The following DLGAP1 variants were observed in gnomAD, a reference collection of about 807,000 sequenced individuals.
The protein encoded by DLGAP1 is DLG associated protein 1, also known as disks large-associated protein 1.
Under a neutral mutation model 90.8 loss-of-function variants are expected in DLGAP1, and 11 were observed. The ratio of observed to expected loss-of-function variants is 0.12; its 90% CI spans 0.08 to 0.20. The LOEUF (loss-of-function observed/expected upper bound fraction) is 0.20, where lower values mean the gene tolerates loss of function less well. Ranked by LOEUF, DLGAP1 falls within the 10% of genes least tolerant of loss-of-function variation. The pLI is 1.00. For synonymous variants in DLGAP1, 558 were observed against 540.7 expected (o/e 1.03, Z -0.44); for missense variants, 1,050 against 1,333.8 (o/e 0.79, Z 3.31).
At chr18:4,100,732 A>G (rs1486084979) in intron 2 of DLGAP1, among the ~76,000 whole-genome samples, 1 of 152,182 alleles carries the variant, frequency 6.6e-6, no homozygotes, top group Non-Finnish European at 1.5e-5. Flanking sequence ...CTTTAGCTAA[A>G]TCTTCTGGAT....
chr18:4,209,621 T>A (rs551277454), intron 1 of DLGAP1, among the ~76,000 whole-genome samples: 1 of 152,308 alleles, frequency 6.6e-6, no homozygotes, highest in African/African-American at 2.4e-5. Flanking sequence ...CAAATGTAAA[T>A]CCTTTTGAGG....
At chr18:4,016,413 A>G (rs535091237) in intron 2 of DLGAP1, among the ~76,000 whole-genome samples, 2 of 152,308 alleles carry the variant, frequency 1.3e-5, no homozygotes, top group African/African-American at 4.8e-5. Flanking sequence ...GATATATGGG[A>G]GAGAAGTGGC....
At chr18:3,714,130 C>A (rs113629467) in intron 7 of DLGAP1, among the ~76,000 whole-genome samples, 6 of 152,114 alleles carry the variant, frequency 3.9e-5, no homozygotes, top group Admixed American at 2.6e-4. Context: ...TTTAAAAAAA[C>A]AATTTTGATT....
At chr18:3,521,861 G>A (rs1188036029) in intron 10 of DLGAP1, among the ~76,000 whole-genome samples, 1 of 152,122 alleles carries the variant, frequency 6.6e-6, no homozygotes, top group Non-Finnish European at 1.5e-5. Flanking sequence ...CAAACTACCT[G>A]TGATATTCTG....
chr18:3,665,082 G>A (rs546752268), intron 7 of DLGAP1, among the ~76,000 whole-genome samples: 37 of 152,244 alleles, frequency 2.4e-4, no homozygotes, highest in African/African-American at 8.2e-4. Context: ...GAGAGCCTCT[G>A]GGTGTGTGGG....
intron 8 of DLGAP1, among the ~76,000 whole-genome samples, chr18:3,570,467 C>T (rs752865796): frequency 2.0e-5 from 3 of 151,670 alleles, no homozygotes; most frequent in Admixed American, 6.6e-5. Flanking sequence ...TTCGTAGAGA[C>T]GGGATTTCAC....
At chr18:3,860,925 C>T (rs186151417) in intron 4 of DLGAP1, among the ~76,000 whole-genome samples, 34 of 152,348 alleles carry the variant, frequency 2.2e-4, no homozygotes, top group Non-Finnish European at 4.1e-4. Flanking sequence ...TCCTTATCCT[C>T]CATCCTTCCT....
chr18:3,964,568 G>A (rs1454839175), intron 3 of DLGAP1, among the ~76,000 whole-genome samples: 1 of 152,090 alleles, frequency 6.6e-6, no homozygotes, highest in Admixed American at 6.5e-5. Flanking sequence ...AGGAGTTGTC[G>A]CTGCAGTGGA....
chr18:3,567,985 G>A (rs2054534196), intron 8 of DLGAP1, among the ~76,000 whole-genome samples: 2 of 151,690 alleles, frequency 1.3e-5, no homozygotes, highest in Non-Finnish European at 2.9e-5. Context: ...TACAACCTCC[G>A]CCTCCCGGGT....
chr18:4,024,857 T>A (rs1037260640), intron 2 of DLGAP1, among the ~76,000 whole-genome samples: 2 of 152,098 alleles, frequency 1.3e-5, no homozygotes, highest in Admixed American at 6.6e-5. Context: ...AGCTGTGGTG[T>A]TCGAGAGCCA....
chr18:3,731,318 TA>T (rs112356034), intron 6 of DLGAP1, among the ~76,000 whole-genome samples: 7,817 of 152,240 alleles, frequency 0.051, 646 homozygotes, highest in African/African-American at 0.18. Context: ...TCTTTCCAGA[TA>T]AGTATATATG....
intron 2 of DLGAP1, among the ~76,000 whole-genome samples, chr18:4,133,296 G>A (rs2076347489): frequency 6.6e-6 from 1 of 152,154 alleles, no homozygotes; most frequent in African/African-American, 2.4e-5. Flanking sequence ...ACGATTCACT[G>A]CCCCAACACC....
At chr18:4,182,843 G>A (rs773016975) in intron 1 of DLGAP1, among the ~76,000 whole-genome samples, 3 of 152,152 alleles carry the variant, frequency 2.0e-5, no homozygotes, top group Non-Finnish European at 2.9e-5. Context: ...ATAATAATGT[G>A]CTGCCCTTAA....
At chr18:4,208,723 A>G (rs2077773632) in intron 1 of DLGAP1, among the ~76,000 whole-genome samples, 1 of 152,078 alleles carries the variant, frequency 6.6e-6, no homozygotes, top group Non-Finnish European at 1.5e-5. Flanking sequence ...GGTGACAGAG[A>G]GAAAAAGAGA....
intron 1 of DLGAP1, among the ~76,000 whole-genome samples, chr18:4,191,269 G>T (rs1320648263): frequency 6.6e-6 from 1 of 152,050 alleles, no homozygotes; most frequent in Non-Finnish European, 1.5e-5. Flanking sequence ...TACTCTATAA[G>T]TATAAGCATA....
At chr18:4,057,004 T>TACACACACACACACAC (rs55887550) in intron 2 of DLGAP1, among the ~76,000 whole-genome samples, 2 of 115,020 alleles carry the variant, frequency 1.7e-5, no homozygotes, top group Non-Finnish European at 3.6e-5. Flanking sequence ...TGACCATACA[T>TACACACACACACACAC]ACACACACAC....
chr18:4,439,638 T>C (rs778677130), intron 1 of DLGAP1, among the ~76,000 whole-genome samples: 1 of 151,778 alleles, frequency 6.6e-6, no homozygotes, highest in Non-Finnish European at 1.5e-5. Context: ...TGACCTTGTC[T>C]CCACAAAAAA....
rs539995087 is a variant in DLGAP1 at position 4,089,204 on chromosome 18, T to A, written c.-159+61976A>T. Among the ~76,000 whole-genome samples, 3 of 152,152 alleles carry A rather than the reference T, an allele frequency of 2.0e-5. No homozygotes were observed. In the East Asian group the frequency reaches 5.8e-4, roughly 29 times the overall value. ...TCATGAATGAACTCACATTCGCAAATGCTACAAAGAGAATAAAATACCTAG... is the reference window on the plus strand; with the variant it reads ...TCATGAATGAACTCACATTCGCAAAAGCTACAAAGAGAATAAAATACCTAG... On this transcript the variant is annotated intron_variant, in intron 2 of 12. Coordinates refer to ENST00000315677, the MANE Select transcript of DLGAP1 (RefSeq NM_004746.4).
intron 2 of DLGAP1, among the ~76,000 whole-genome samples, chr18:4,052,079 G>A (rs1331526668): frequency 6.6e-6 from 1 of 152,160 alleles, no homozygotes; most frequent in African/African-American, 2.4e-5. Context: ...GCTTTCATGG[G>A]CTGGCATTGA....
Sources: allele counts gnomAD v4.1 joint callset (sites outside exome capture counted in the v4.1 genomes callset), GRCh38; gene constraint gnomAD v4.1.1; transcripts MANE v1.5; gene names NCBI Gene and HGNC (gene_info 2026-07-23, HGNC 2026-07-21).